The following KDM2A variants were observed in gnomAD, a reference collection of about 807,000 sequenced individuals.
The protein encoded by KDM2A is lysine-specific demethylase 2A.
A neutral mutation model predicts 137.3 loss-of-function variants in KDM2A; 3 were observed. That is an observed-to-expected ratio of 0.02 (90% CI 0.01 to 0.06). The LOEUF (loss-of-function observed/expected upper bound fraction) is 0.06, where lower values mean the gene tolerates loss of function less well. KDM2A is among the 10% of genes least tolerant of loss of function. The probability of loss-of-function intolerance (pLI) is 1.00; values close to 1 mark genes in which losing one functional copy is unlikely to be tolerated. For missense variants in KDM2A, 738 were observed against 1,510.6 expected, an observed-to-expected ratio of 0.49 and a Z score of 8.48; for synonymous variants, 512 against 541.5, an observed-to-expected ratio of 0.95 and a Z score of 0.76.
At chr11:67,230,093 G>T (rs568934051) in intron 11 of KDM2A, among the ~76,000 whole-genome samples, 16 of 150,558 alleles carry the variant, frequency 1.1e-4, no homozygotes, top group African/African-American at 3.4e-4. Context: ...GAAGAATGGC[G>T]TGAACCCAGA....
intron 2 of KDM2A, among the ~76,000 whole-genome samples, chr11:67,133,130 A>T (rs1301476084): frequency 6.6e-6 from 1 of 151,874 alleles, no homozygotes; most frequent in African/African-American, 2.4e-5. Context: ...AGGGAGTTTC[A>T]CTCTTGTTGG....
chr11:67,241,940 G>A (rs1244835909), intron 12 of KDM2A, among the ~76,000 whole-genome samples: 6 of 152,060 alleles, frequency 3.9e-5, no homozygotes, highest in African/African-American at 1.4e-4. Context: ...ATGGTGGCAG[G>A]TGCCTGTAAT....
intron 2 of KDM2A, among the ~76,000 whole-genome samples, chr11:67,146,481 A>T (rs948629730): frequency 6.6e-6 from 1 of 152,054 alleles, no homozygotes; most frequent in African/African-American, 2.4e-5. Flanking sequence ...TTTTCTATCT[A>T]CTGTGACAGA....
In KDM2A at chr11:67,250,036, G is replaced by C; in HGVS notation, c.2056-50G>C. ...GAGGTCCACCCTGTCGGTTCAGAGG[G>C]TTTGGAAGAAAGGAAGCACTGATGT... On this transcript the variant is annotated intron_variant, in intron 16 of 20. Coordinates refer to ENST00000529006, the MANE Select transcript of KDM2A (RefSeq NM_012308.3). This position sits in a 1 kb window ranked among gnomAD's most constrained non-coding sequence, Gnocchi z 7.1. 6.8e-7 allele frequency: 1 copy of C among 1,472,694 alleles called. No homozygotes were observed. Among genetic ancestry groups the C allele is most frequent in the Non-Finnish European group, 9.2e-7 (1 of 1,088,288 alleles). The allele number at this position is 1,472,694 out of a possible 1,614,324, so 91.2% of individuals were successfully genotyped here.
intron 2 of KDM2A, among the ~76,000 whole-genome samples, chr11:67,146,054 C>T (rs1434782400): frequency 1.3e-5 from 2 of 148,178 alleles, no homozygotes; most frequent in Non-Finnish European, 3.0e-5. Context: ...TGCAGTGGCG[C>T]GATCTCAGCT....
chr11:67,179,377 G>A (rs1017280038), intron 2 of KDM2A, among the ~76,000 whole-genome samples: 4 of 152,146 alleles, frequency 2.6e-5, no homozygotes, highest in African/African-American at 7.2e-5. Flanking sequence ...AGGTTCAAGC[G>A]ATTCTCCTGC....
chr11:67,203,126 A>G (rs4542419), intron 5 of KDM2A, among the ~76,000 whole-genome samples: 109,435 of 152,086 alleles, frequency 0.72, 45,100 homozygotes, highest in South Asian at 0.93. Flanking sequence ...CAATGAGGCA[A>G]GTTCCTCCAC....
rs1172421105 is a variant in KDM2A at position 67,255,734 on chromosome 11, A to C, written c.*679A>C. On this transcript the variant is annotated 3_prime_UTR_variant, in exon 21 of 21. Transcript: ENST00000529006. ...CCCGACTTACTTGCTAGTCTCTATGAGGTCCTTATTGCACTTATTGGGGTT... is the reference window on the plus strand; with the variant it reads ...CCCGACTTACTTGCTAGTCTCTATGCGGTCCTTATTGCACTTATTGGGGTT... The C allele has an allele frequency of 2.7e-5, 10 of 376,698 alleles. No individual in the cohort carries two copies. In the East Asian group the frequency reaches 7.3e-4, roughly 28 times the overall value. The allele number at this position is 376,698 out of a possible 1,614,324, so 23.3% of individuals were successfully genotyped here. A position where few individuals can be genotyped will look rare whatever the true frequency, so the allele number is the denominator to read the frequency against.
intron 8 of KDM2A, among the ~76,000 whole-genome samples, chr11:67,216,651 T>C (rs1267300995): frequency 6.6e-6 from 1 of 152,258 alleles, no homozygotes; most frequent in Non-Finnish European, 1.5e-5. Flanking sequence ...CCAGGCATGG[T>C]GGCTCACGCC....
At position 67,243,047 on chromosome 11, in the gene KDM2A, A is replaced by T; in HGVS notation, c.1518A>T (p.Leu506Phe). The stretch of plus-strand genomic sequence containing the variant: ...AGCTTGCCAACAGCGATCCCAAGTT[A>T]GCCCTCACTGGAGTTCCTATAGTAC... ...LEELANSDPK[L>F]ALTGVPIVQW... Residue 506 changes from leucine (L) to phenylalanine (F), a missense_variant, in exon 13 of 21, where the codon TTA becomes TTT. Leu to Phe is a conservative substitution (Grantham distance 22, BLOSUM62 0). Transcript: ENST00000529006. 2 of 1,613,860 alleles carry T rather than the reference A, an allele frequency of 1.2e-6. No homozygotes were observed. Among genetic ancestry groups the T allele is most frequent in the Non-Finnish European group, 1.7e-6 (2 of 1,179,796 alleles).
At chr11:67,221,289 T>G (rs1345899091) in intron 10 of KDM2A, among the ~76,000 whole-genome samples, 1 of 152,246 alleles carries the variant, frequency 6.6e-6, no homozygotes, top group Non-Finnish European at 1.5e-5. Flanking sequence ...AGTATGGAGA[T>G]GAGCAGATGT....
chr11:67,199,065 C>T (rs1018867967), intron 5 of KDM2A, among the ~76,000 whole-genome samples: 1 of 152,174 alleles, frequency 6.6e-6, no homozygotes, highest in Non-Finnish European at 1.5e-5. Flanking sequence ...CAGGCATGAG[C>T]CACTGCACCC....
Position 67,187,106 on chromosome 11 carries a change from A to G in KDM2A, c.307+5214A>G, listed in dbSNP as rs149587453. Among the ~76,000 whole-genome samples, 17 of 152,342 alleles carry G rather than the reference A, an allele frequency of 1.1e-4. 2 individuals are homozygous for G. The highest frequency in any genetic ancestry group is 3.8e-4 in the African/African-American group (16 of 41,582). The stretch of plus-strand genomic sequence containing the variant: ...TAAAAATAGAATTTAACTTCAGGAT[A>G]TTAGATGTAATCCCTATGATAACCA... On this transcript the variant is annotated intron_variant, in intron 5 of 20. Coordinates refer to ENST00000529006, the MANE Select transcript of KDM2A (RefSeq NM_012308.3).
chr11:67,221,566 ATAT>A (rs1263666630), intron 10 of KDM2A, among the ~76,000 whole-genome samples: 2 of 152,166 alleles, frequency 1.3e-5, no homozygotes, highest in East Asian at 3.8e-4. Context: ...CACATCATTG[ATAT>A]TATTGTTGGA....
chr11:67,219,065 A>G (rs1167226608), intron 9 of KDM2A, among the ~76,000 whole-genome samples: 1 of 152,208 alleles, frequency 6.6e-6, no homozygotes, highest in Admixed American at 6.5e-5. Context: ...TAAGCATTTG[A>G]TGTGCATTTT....
At chr11:67,138,107 T>G (rs931908988) in intron 2 of KDM2A, among the ~76,000 whole-genome samples, 3 of 152,162 alleles carry the variant, frequency 2.0e-5, no homozygotes, top group East Asian at 1.9e-4. Flanking sequence ...AACTATAGTA[T>G]TATTATAGGA....
chr11:67,125,461 G>GA (rs200017523), intron 2 of KDM2A, among the ~76,000 whole-genome samples: 17 of 150,378 alleles, frequency 1.1e-4, no homozygotes, highest in East Asian at 5.9e-4. Flanking sequence ...TTTTTGGGGG[G>GA]AAAAAAAAAT....
intron 5 of KDM2A, among the ~76,000 whole-genome samples, chr11:67,204,468 T>G (rs1244093271): frequency 6.6e-6 from 1 of 151,956 alleles, no homozygotes; most frequent in Non-Finnish European, 1.5e-5. Context: ...TGTGTAGGCT[T>G]CTTTGATACA....
chr11:67,235,155 A>AG (rs1373165544), intron 12 of KDM2A, among the ~76,000 whole-genome samples: 1 of 151,634 alleles, frequency 6.6e-6, no homozygotes, highest in African/African-American at 2.4e-5. Context: ...AAAAAAAAAA[A>AG]AAAAAGAAAA....
Sources: gnomAD v4.1 joint callset for allele counts (sites outside exome capture counted in the v4.1 genomes callset) on GRCh38, gnomAD v4.1.1 for gene constraint, Gnocchi (gnomAD v3.1) non-coding constraint, MANE v1.5 for transcripts, NCBI Gene and HGNC (gene_info 2026-07-23, HGNC 2026-07-21) for gene names.